RAB23: variants seen among roughly 807,000 people sequenced by gnomAD.
RAB23 encodes the protein RAB23, member RAS oncogene family.
A neutral mutation model predicts 30.0 loss-of-function variants in RAB23; 15 were observed. The observed-to-expected ratio is 0.50, with a 90% CI of 0.33 to 0.77. The LOEUF is 0.77. RAB23 is among the 30% of genes least tolerant of loss of function. RAB23 has a pLI of 0.02. For missense variants in RAB23, 243 were observed against 275.4 expected (o/e 0.88, Z 0.83); for synonymous variants, 93 against 94.0 (o/e 0.99, Z 0.06).
intron 1 of RAB23, among the ~76,000 whole-genome samples, chr6:57,214,551 G>T (rs2128006305): frequency 6.6e-6 from 1 of 152,108 alleles, no homozygotes; most frequent in East Asian, 1.9e-4. Context: ...TGATCCACCT[G>T]CCTTGGCCTC....
In RAB23 at chr6:57,190,424, G is replaced by A. The variant is rs1764793822; in HGVS notation, c.*37C>T. On this transcript the variant is annotated 3_prime_UTR_variant, in exon 7 of 7. Coordinates refer to ENST00000468148, the MANE Select transcript of RAB23 (RefSeq NM_016277.5). ...AGCTGGATGGGTTTCTTAATGCATT[G>A]CACAATGTAATTCAATTGTTTTCCT... 1 of 1,609,904 alleles carries A rather than the reference G, an allele frequency of 6.2e-7. No homozygotes were observed. The highest frequency in any genetic ancestry group is 1.3e-5 in the African/African-American group (1 of 74,938).
At chr6:57,202,075 A>C (rs1417267231) in intron 3 of RAB23, among the ~76,000 whole-genome samples, 1 of 152,226 alleles carries the variant, frequency 6.6e-6, no homozygotes, top group Non-Finnish European at 1.5e-5. Flanking sequence ...TTAAAATTTT[A>C]ATTTGTTGAT....
Position 57,190,413 on chromosome 6 carries a change from C to T in RAB23, c.*48G>A. 1 of 1,604,788 alleles carries T rather than the reference C, an allele frequency of 6.2e-7. No individual in the cohort carries two copies. Among genetic ancestry groups the T allele is most frequent in the Non-Finnish European group, 8.5e-7 (1 of 1,172,244 alleles). On this transcript the variant is annotated 3_prime_UTR_variant, in exon 7 of 7. Coordinates refer to ENST00000468148, the MANE Select transcript of RAB23 (RefSeq NM_016277.5). ...CATACCATGACAGCTGGATGGGTTT[C>T]TTAATGCATTGCACAATGTAATTCA...
rs1160491629 is a variant in RAB23 at position 57,203,624 on chromosome 6, A to T, written c.241+4004T>A. 4.6e-5 allele frequency among the ~76,000 whole-genome samples: 7 copies of T among 152,336 alleles called. No individual in the cohort carries two copies. The East Asian group carries it at 1.3e-3, about 29-fold the overall frequency. ...GTAATAACCCCATTAAAAAATACAAATAACTTTTACTCAAGAATAAAACTG... is the reference window on the plus strand; with the variant it reads ...GTAATAACCCCATTAAAAAATACAATTAACTTTTACTCAAGAATAAAACTG... On this transcript the variant is annotated intron_variant, in intron 3 of 6. Coordinates refer to ENST00000468148, the MANE Select transcript of RAB23 (RefSeq NM_016277.5).
rs1364883351 is a variant in RAB23 at position 57,190,615 on chromosome 6, G to A, written c.575-15C>T. On this transcript the variant is annotated splice_polypyrimidine_tract_variant and intron_variant, in intron 6 of 6. Transcript: ENST00000468148. ...ATTAAAGACACCTGTATAAATTGAG[G>A]GAAAAGAGTGATTGCCACTGACACG... 1.9e-6 allele frequency: 3 copies of A among 1,613,642 alleles called. No individual in the cohort carries two copies. Among genetic ancestry groups the A allele is most frequent in the Admixed American group, 1.7e-5 (1 of 60,016 alleles).
intron 3 of RAB23, among the ~76,000 whole-genome samples, chr6:57,203,479 A>G (rs1010112883): frequency 6.6e-6 from 1 of 152,238 alleles, no homozygotes; most frequent in Non-Finnish European, 1.5e-5. Context: ...GAGAATTTAG[A>G]AGACCAAGTT....
chr6:57,196,354 A>G (rs1765021356), intron 4 of RAB23, 96 bp downstream of exon 4: 3 of 1,417,988 alleles, frequency 2.1e-6, no homozygotes, highest in Non-Finnish European at 3.0e-6. Context: ...ATGAAAGTAT[A>G]GAATTTTTCC....
rs188155159 is a variant in RAB23 at position 57,207,789 on chromosome 6, T to C, written c.156-76A>G. The stretch of plus-strand genomic sequence containing the variant: ...AATATAGCTTTGTGTATATTTTTCA[T>C]TTTCAAATCCAAAGATATTAAAACT... On this transcript the variant is annotated intron_variant, in intron 2 of 6. Transcript: ENST00000468148. The C allele has an allele frequency of 7.5e-5, 76 of 1,018,446 alleles. No individual in the cohort carries two copies. The African/African-American group carries it at 1.1e-3, about 15-fold the overall frequency. The allele number at this position is 1,018,446 out of a possible 1,614,324, so 63.1% of individuals were successfully genotyped here.
chr6:57,220,765 A>G lies in RAB23; in HGVS notation c.-66+961T>C, dbSNP rs184114683. Among the ~76,000 whole-genome samples, 1,196 of 152,236 alleles carry G rather than the reference A, an allele frequency of 7.9e-3. 7 individuals are homozygous for G. The highest frequency in any genetic ancestry group is 0.027 in the African/African-American group (1,128 of 41,524). ...TTTTTCTGTGGCGGGGGAGCGATAG[A>G]TTTGTTCTACATCCTTACTGTAGTG... is the stretch of plus-strand genomic sequence containing the variant. On this transcript the variant is annotated intron_variant, in intron 1 of 6. Transcript: ENST00000468148.
chr6:57,218,696 C>T (rs1218412352), intron 1 of RAB23, among the ~76,000 whole-genome samples: 3 of 151,792 alleles, frequency 2.0e-5, no homozygotes, highest in Non-Finnish European at 4.4e-5. Context: ...ACCAAAAATA[C>T]AAAAAATTAA....
At chr6:57,197,153 G>C (rs1042330292) in intron 3 of RAB23, among the ~76,000 whole-genome samples, 14 of 151,914 alleles carry the variant, frequency 9.2e-5, no homozygotes, top group Non-Finnish European at 2.1e-4. Context: ...TAAATAAATT[G>C]TATTATTTTA....
At chr6:57,193,517 T>C (rs904190400) in intron 6 of RAB23, among the ~76,000 whole-genome samples, 23 of 152,236 alleles carry the variant, frequency 1.5e-4, no homozygotes, top group East Asian at 7.7e-4. Context: ...ATAAGCAAGA[T>C]AGTAAGAAAG....
chr6:57,207,649 T>C lies in RAB23; in HGVS notation c.220A>G (p.Ile74Val). ...DTAGQEEFDA[I>V]TKAYYRGAQA... ...TTACCTCGATAGTAGGCCTTTGTAA[T>C]TGCATCAAATTCCTCCTGACCTGCA... The change falls in exon 3 of 7, where the codon ATT (isoleucine) becomes GTT (valine). Residue 74 changes from isoleucine to valine, a missense_variant. Ile to Val is a conservative substitution (Grantham distance 29). Transcript: ENST00000468148. 1 of 1,601,678 alleles carries C rather than the reference T, an allele frequency of 6.2e-7. No homozygotes were observed.
chr6:57,204,227 G>A (rs1397739705), intron 3 of RAB23, among the ~76,000 whole-genome samples: 1 of 152,122 alleles, frequency 6.6e-6, no homozygotes, highest in Non-Finnish European at 1.5e-5. Flanking sequence ...ATATGATACT[G>A]TACCTAAAAG....
chr6:57,197,233 A>ATG (rs1477466098), intron 3 of RAB23, among the ~76,000 whole-genome samples: 1 of 152,126 alleles, frequency 6.6e-6, no homozygotes, highest in African/African-American at 2.4e-5. Flanking sequence ...ATATATATAT[A>ATG]ATAGAGGGGT....
intron 1 of RAB23, among the ~76,000 whole-genome samples, chr6:57,214,556 G>A (rs1234190303): frequency 6.6e-6 from 1 of 152,066 alleles, no homozygotes; most frequent in East Asian, 1.9e-4. Flanking sequence ...CACCTGCCTT[G>A]GCCTCCCAAA....
chr6:57,213,302 C>T (rs1765720464), intron 1 of RAB23, among the ~76,000 whole-genome samples: 1 of 152,114 alleles, frequency 6.6e-6, no homozygotes, highest in Non-Finnish European at 1.5e-5. Context: ...CAGTCCACGG[C>T]CTGGGAGTTG....
At chr6:57,204,597 T>C (rs895283424) in intron 3 of RAB23, among the ~76,000 whole-genome samples, 2 of 152,244 alleles carry the variant, frequency 1.3e-5, no homozygotes, top group East Asian at 1.9e-4. Flanking sequence ...CATACTAAGA[T>C]AGAATATATT....
chr6:57,199,444 G>C (rs575254127), intron 3 of RAB23, among the ~76,000 whole-genome samples: 1 of 151,934 alleles, frequency 6.6e-6, no homozygotes, highest in South Asian at 2.1e-4. Context: ...CCAAATAAAC[G>C]AGCCCCACCC....
Sources: gnomAD v4.1 joint callset for allele counts (sites outside exome capture counted in the v4.1 genomes callset) on GRCh38, gnomAD v4.1.1 for gene constraint, MANE v1.5 for transcripts, NCBI Gene and HGNC (gene_info 2026-07-23, HGNC 2026-07-21) for gene names.